Variants in XKR4 observed in about 807,000 individuals in gnomAD.
XKR4 encodes XK-related protein 4.
XKR4 carries 12 observed loss-of-function variants against 53.9 expected under a neutral mutation model. The observed-to-expected ratio is 0.22, with a 90% CI of 0.14 to 0.36. XKR4 has a LOEUF of 0.36. XKR4 is among the 10% of genes least tolerant of loss of function. The pLI is 1.00. For missense variants in XKR4, 799 were observed against 859.5 expected, an observed-to-expected ratio of 0.93 and a Z score of 0.88; for synonymous variants, 354 against 362.4, an observed-to-expected ratio of 0.98 and a Z score of 0.26.
chr8:55,171,442 C>A (rs1817155315), intron 1 of XKR4, among the ~76,000 whole-genome samples: 2 of 152,258 alleles, frequency 1.3e-5, no homozygotes, highest in East Asian at 3.9e-4. Flanking sequence ...CCTCTGTGGG[C>A]TCACCTACAA....
chr8:55,454,697 C>G (rs1403521225), intron 2 of XKR4: 11 of 872,044 alleles, frequency 1.3e-5, no homozygotes, highest in Non-Finnish European at 2.2e-5. Context: ...AGGCCCTCCA[C>G]GTGGACGGCA....
At chr8:55,396,399 G>GTTTTTTTTTTT (rs71256534) in intron 2 of XKR4, among the ~76,000 whole-genome samples, 904 of 88,728 alleles carry the variant, frequency 0.01, 129 homozygotes, top group African/African-American at 0.037. Context: ...TTTTTGTTTG[G>GTTTTTTTTTTT]TTTTTTTTTT....
chr8:55,307,041 GA>G (rs35862885), intron 1 of XKR4, among the ~76,000 whole-genome samples: 4 of 149,970 alleles, frequency 2.7e-5, no homozygotes, highest in South Asian at 4.2e-4. Context: ...TACACTTTTA[GA>G]AAAAAAAATA....
Position 55,195,180 on chromosome 8 carries a change from A to G in XKR4, c.806+91886A>G, listed in dbSNP as rs558697003. On this transcript the variant is annotated intron_variant, in intron 1 of 2. Coordinates refer to ENST00000327381, the MANE Select transcript of XKR4 (RefSeq NM_052898.2). ...AAGTCCATGAACTAACTGGAAAAAA[A>G]GCAGTATCTATCTCATATTAGATTC... is the stretch of plus-strand genomic sequence containing the variant. 1.1e-4 allele frequency among the ~76,000 whole-genome samples: 11 copies of G among 99,204 alleles called. 3 individuals are homozygous for G. The highest frequency in any genetic ancestry group is 3.7e-4 in the African/African-American group (11 of 29,658). 65.1% of individuals were successfully genotyped at this position (99,204 alleles called of 152,430 possible). A position where few individuals can be genotyped will look rare whatever the true frequency, so the allele number is the denominator to read the frequency against.
At chr8:55,106,463 A>G (rs757820862) in intron 1 of XKR4, among the ~76,000 whole-genome samples, 1 of 152,172 alleles carries the variant, frequency 6.6e-6, no homozygotes, top group African/African-American at 2.4e-5. Context: ...GAAAAGAGCA[A>G]TTATGACTTT....
chr8:55,186,757 C>A (rs1051141876), intron 1 of XKR4, among the ~76,000 whole-genome samples: 1 of 151,788 alleles, frequency 6.6e-6, no homozygotes, highest in Non-Finnish European at 1.5e-5. Flanking sequence ...ACTTTTTTTT[C>A]CACACTCAGA....
At chr8:55,221,361 G>T (rs16921427) in intron 1 of XKR4, among the ~76,000 whole-genome samples, 2 of 151,966 alleles carry the variant, frequency 1.3e-5, no homozygotes, top group Non-Finnish European at 2.9e-5. Flanking sequence ...AGTCTTTGTC[G>T]CTAAGAAAGT....
chr8:55,468,015 A>G lies in XKR4; in HGVS notation c.1007-55266A>G, dbSNP rs148624988. On this transcript the variant is annotated intron_variant, in intron 2 of 2. Transcript: ENST00000327381. ...TATTAACATTTATGGTTTCTTTTTT[A>G]TGCTTTAACATATTTTTGCACTGTT... Among the ~76,000 whole-genome samples, 187 of 152,166 alleles carry G rather than the reference A, an allele frequency of 1.2e-3. No individual in the cohort carries two copies. The East Asian group carries it at 0.015, about 12-fold the overall frequency.
At chr8:55,244,514 A>G (rs1818256119) in intron 1 of XKR4, among the ~76,000 whole-genome samples, 1 of 152,178 alleles carries the variant, frequency 6.6e-6, no homozygotes, top group African/African-American at 2.4e-5. Context: ...TGTGAATAGT[A>G]CTGTGATGAA....
At chr8:55,365,211 C>T (rs1803960319) in intron 2 of XKR4, among the ~76,000 whole-genome samples, 1 of 152,222 alleles carries the variant, frequency 6.6e-6, no homozygotes, top group Non-Finnish European at 1.5e-5. Context: ...CACTCTTCCG[C>T]AGCCTGCTGT....
At chr8:55,301,264 G>T (rs9657055) in intron 1 of XKR4, among the ~76,000 whole-genome samples, 5 of 150,734 alleles carry the variant, frequency 3.3e-5, no homozygotes, top group South Asian at 2.1e-4. Context: ...TTTGTCCTTG[G>T]GATAGTTTGC....
chr8:55,490,284 G>A (rs570955304), intron 2 of XKR4, among the ~76,000 whole-genome samples: 2 of 152,252 alleles, frequency 1.3e-5, no homozygotes, highest in South Asian at 2.1e-4. Context: ...TCTTTGCAGC[G>A]ACATGGATGC....
chr8:55,445,753 C>A (rs1159584591), intron 2 of XKR4, among the ~76,000 whole-genome samples: 1 of 152,150 alleles, frequency 6.6e-6, no homozygotes, highest in Non-Finnish European at 1.5e-5. Flanking sequence ...CTCCGCCACA[C>A]ACAAAAAGCC....
At chr8:55,350,262 G>A (rs962510783) in intron 1 of XKR4, among the ~76,000 whole-genome samples, 1 of 152,196 alleles carries the variant, frequency 6.6e-6, no homozygotes, top group South Asian at 2.1e-4. Context: ...CAAAGAGCAA[G>A]AGCATGTGCA....
chr8:55,451,841 C>G (rs1805453030), intron 2 of XKR4: 2 of 909,776 alleles, frequency 2.2e-6, no homozygotes, highest in Middle Eastern at 2.1e-4. Flanking sequence ...ATGGTCATGC[C>G]GTCCGAGGGC....
chr8:55,142,009 C>T (rs375976748), intron 1 of XKR4: 5 of 446,854 alleles, frequency 1.1e-5, no homozygotes, highest in African/African-American at 1.0e-4. Flanking sequence ...CATCTCTGGG[C>T]TGGCTTAAGA....
At chr8:55,326,138 A>C (rs77996618) in intron 1 of XKR4, among the ~76,000 whole-genome samples, 2,830 of 152,308 alleles carry the variant, frequency 0.019, 44 homozygotes, top group Middle Eastern at 0.031. Context: ...GGTATTTTGG[A>C]AGATAAATAC....
chr8:55,259,632 C>T (rs932060742), intron 1 of XKR4, among the ~76,000 whole-genome samples: 3 of 152,084 alleles, frequency 2.0e-5, no homozygotes, highest in African/African-American at 7.2e-5. Flanking sequence ...ATTCCTGGAG[C>T]AGAGGGAAGT....
chr8:55,313,966 TC>T (rs1216336671), intron 1 of XKR4, among the ~76,000 whole-genome samples: 2 of 152,334 alleles, frequency 1.3e-5, no homozygotes, highest in Admixed American at 1.3e-4. Flanking sequence ...AACAGACTAA[TC>T]TTTGTCCATC....
Sources: allele counts gnomAD v4.1 joint callset (sites outside exome capture counted in the v4.1 genomes callset), GRCh38; gene constraint gnomAD v4.1.1; transcripts MANE v1.5; gene names NCBI Gene and HGNC (gene_info 2026-07-23, HGNC 2026-07-21).